The following MILR1 variants were observed in gnomAD, a reference collection of about 807,000 sequenced individuals.
MILR1 encodes mast cell immunoglobulin like receptor 1.
MILR1 carries 31 observed loss-of-function variants against 18.5 expected under a neutral mutation model. The ratio of observed to expected loss-of-function variants is 1.68; its 90% CI spans 1.26 to 2.26. MILR1 has a LOEUF of 2.26. Ranked by LOEUF, MILR1 falls within the 30% of genes most tolerant of loss-of-function variation. MILR1 has a pLI of 0.00. For synonymous variants in MILR1, 85 were observed against 56.2 expected, an observed-to-expected ratio of 1.51 and a Z score of -2.30; for missense variants, 257 against 157.4, an observed-to-expected ratio of 1.63 and a Z score of -3.38.
the MILR1 span, among the ~76,000 whole-genome samples, chr17:64,484,415 G>A: frequency 1.6e-4 from 24 of 152,220 alleles, no homozygotes; most frequent in Non-Finnish European, 1.2e-4. Flanking sequence ...CAGTGCTGCT[G>A]GAGCAGACTG....
chr17:64,451,671 C>T (rs978140676), intron 2 of MILR1, among the ~76,000 whole-genome samples: 6 of 152,154 alleles, frequency 3.9e-5, no homozygotes, highest in East Asian at 3.9e-4. Context: ...CAGTGACTCA[C>T]ACCTGTAATC....
downstream of MILR1, among the ~76,000 whole-genome samples, chr17:64,470,959 G>A (rs782327994): frequency 6.6e-6 from 1 of 152,146 alleles, no homozygotes; most frequent in Non-Finnish European, 1.5e-5. Flanking sequence ...CATTCCACAT[G>A]GCAGGGGAAG....
chr17:64,458,274 G>A (rs1952199240), intron 4 of MILR1, among the ~76,000 whole-genome samples: 1 of 150,408 alleles, frequency 6.6e-6, no homozygotes, highest in Admixed American at 6.7e-5. Context: ...GTGCAGTGGT[G>A]TGATCTCAGC....
chr17:64,473,350 C>CA (rs1489803189), downstream of MILR1, among the ~76,000 whole-genome samples: 1,115 of 71,504 alleles, frequency 0.016, 8 homozygotes, highest in Non-Finnish European at 0.018. Flanking sequence ...GGCTCCGTCT[C>CA]AAAAAAAAAA....
chr17:64,452,994 TTTTTTTA>T (rs1382423985), intron 3 of MILR1, 128 bp downstream of exon 3: 32 of 409,128 alleles, frequency 7.8e-5, no homozygotes, highest in African/African-American at 6.4e-4. Flanking sequence ...AGCTTTATTC[TTTTTTTA>T]TTTTTTATTT....
the MILR1 span, chr17:64,480,326 C>T: frequency 1.3e-6 from 2 of 1,597,974 alleles, no homozygotes; most frequent in Admixed American, 3.3e-5. Flanking sequence ...TGCATAGTTT[C>T]CAAATAACCA....
At position 64,466,572 on chromosome 17, in the gene MILR1, C is replaced by T. The variant is rs376540313; in HGVS notation, c.911-22C>T. On this transcript the variant is annotated intron_variant, in intron 7 of 9. Coordinates refer to ENST00000619286, the MANE Select transcript of MILR1 (RefSeq NM_001085423.2). Reference sequence around the variant, plus strand: ...ATTCACATAATTGGCCCAATAATTCCTATTCCTTATCTTTTGCCCAGAGGC... The same window carrying T: ...ATTCACATAATTGGCCCAATAATTCTTATTCCTTATCTTTTGCCCAGAGGC... The T allele has an allele frequency of 1.8e-4, 283 of 1,611,152 alleles. No individual in the cohort carries two copies. The African/African-American group carries it at 3.7e-3, about 21-fold the overall frequency.
At chr17:64,485,753 G>T in the MILR1 span, 1 of 1,612,864 alleles carries the variant, frequency 6.2e-7, no homozygotes, top group Non-Finnish European at 8.5e-7. Flanking sequence ...TTTCTTTCTT[G>T]TAAAGGAGTT....
the MILR1 span, chr17:64,496,426 T>C: frequency 2.3e-5 from 37 of 1,582,894 alleles, 2 homozygotes; most frequent in Admixed American, 5.9e-4. Flanking sequence ...GGTTCTCCCG[T>C]AGTTTCCCAG....
the MILR1 span, among the ~76,000 whole-genome samples, chr17:64,489,000 A>G: frequency 2.7e-5 from 4 of 145,928 alleles, no homozygotes; most frequent in South Asian, 6.6e-4. Context: ...ATAAACTCCT[A>G]TGTTTTTGCT....
the MILR1 span, chr17:64,492,680 TG>T: frequency 6.2e-7 from 1 of 1,603,248 alleles, no homozygotes; most frequent in Non-Finnish European, 8.5e-7. Flanking sequence ...TCTCCACCAC[TG>T]GAGTCGATGA....
chr17:64,450,151 G>A (rs987182459), intron 2 of MILR1, among the ~76,000 whole-genome samples: 6,743 of 152,076 alleles, frequency 0.044, 511 homozygotes, highest in African/African-American at 0.16. Context: ...CGTTAGCCAG[G>A]ATGGTCTCGA....
At position 64,457,637 on chromosome 17, in the gene MILR1, T is replaced by G. The variant is rs907479669; in HGVS notation, c.605T>G (p.Leu202Trp). The G allele has an allele frequency of 1.1e-5, 5 of 475,194 alleles. No homozygotes were observed. The highest frequency in any genetic ancestry group is 9.9e-5 in the African/African-American group (5 of 50,504). 29.4% of individuals were successfully genotyped at this position (475,194 alleles called of 1,614,324 possible). ...TATAGGTGTGAAGCTAAAAACAGATTGCCTAACTATGCAACATACAGTCAC... is the reference window on the plus strand; with the variant it reads ...TATAGGTGTGAAGCTAAAAACAGATGGCCTAACTATGCAACATACAGTCAC... ...EEYRCEAKNR[L>W]PNYATYSHPV... is the part of the protein sequence containing the mutation. Residue 202 changes from leucine to tryptophan, a missense_variant, in exon 4 of 10, where the codon TTG becomes TGG. By Grantham distance (61) the Leu-to-Trp change is moderately conservative. Transcript: ENST00000619286.
the MILR1 span, among the ~76,000 whole-genome samples, chr17:64,483,257 T>C: frequency 6.6e-6 from 1 of 152,198 alleles, no homozygotes; most frequent in Non-Finnish European, 1.5e-5. Context: ...TACATGCCTA[T>C]AATTCCAGCA....
chr17:64,494,687 G>C, the MILR1 span, among the ~76,000 whole-genome samples: 1 of 152,060 alleles, frequency 6.6e-6, no homozygotes, highest in African/African-American at 2.4e-5. Context: ...GTATCTTAAT[G>C]TTCAATTTGT....
chr17:64,486,999 T>C, the MILR1 span: 1 of 152,174 alleles, frequency 6.6e-6, no homozygotes, highest in African/African-American at 2.4e-5. Flanking sequence ...TTCATCTTTC[T>C]TTTTTTGTAA....
the MILR1 span, chr17:64,477,725 G>A: frequency 7.9e-7 from 1 of 1,259,230 alleles, no homozygotes; most frequent in Non-Finnish European, 1.1e-6. Context: ...CACCACAAAT[G>A]TCCACTTTAT....
chr17:64,496,659 C>T, the MILR1 span: 2 of 1,614,070 alleles, frequency 1.2e-6, no homozygotes, highest in East Asian at 2.2e-5. Context: ...CGCAACTCTA[C>T]GCCCAAGGGT....
downstream of MILR1, among the ~76,000 whole-genome samples, chr17:64,472,050 T>G (rs914465032): frequency 6.6e-6 from 1 of 152,150 alleles, no homozygotes; most frequent in Admixed American, 6.6e-5. Flanking sequence ...TTAAAAATAA[T>G]CTTGAAGTGG....
Sources: gnomAD v4.1 joint callset for allele counts (sites outside exome capture counted in the v4.1 genomes callset) on GRCh38, gnomAD v4.1.1 for gene constraint, MANE v1.5 for transcripts, NCBI Gene and HGNC (gene_info 2026-07-23, HGNC 2026-07-21) for gene names.